The following EPHA6 variants were observed in gnomAD, a reference collection of about 807,000 sequenced individuals.
The protein encoded by EPHA6 is ephrin type-A receptor 6.
A neutral mutation model predicts 112.0 loss-of-function variants in EPHA6; 50 were observed. The observed-to-expected ratio is 0.45, with a 90% CI of 0.36 to 0.56. EPHA6 has a LOEUF of 0.56. Among genes scored for constraint, EPHA6 ranks in the 20% least tolerant of loss-of-function variants. The pLI, the probability that EPHA6 is intolerant of heterozygous loss-of-function variation, is 0.00. For synonymous variants in EPHA6, 529 were observed against 490.7 expected (o/e 1.08, Z -1.03); for missense variants, 1,280 against 1,417.4 (o/e 0.90, Z 1.56).
At chr3:96,917,437 A>G (rs2107618620) in intron 2 of EPHA6, among the ~76,000 whole-genome samples, 1 of 151,638 alleles carries the variant, frequency 6.6e-6, no homozygotes, top group South Asian at 2.1e-4. Flanking sequence ...AAAAAAAAAA[A>G]AAGAATTTTT....
chr3:97,035,836 A>G (rs1178215036), intron 3 of EPHA6, among the ~76,000 whole-genome samples: 1 of 151,934 alleles, frequency 6.6e-6, no homozygotes, highest in African/African-American at 2.4e-5. Flanking sequence ...GTATTTTATT[A>G]ATTAGGATGT....
intron 2 of EPHA6, among the ~76,000 whole-genome samples, chr3:96,941,003 C>G (rs2040910069): frequency 6.6e-6 from 1 of 152,130 alleles, no homozygotes. Flanking sequence ...TGTGGGTAAC[C>G]CGACCTTTCT....
chr3:96,882,594 CAGTG>C (rs2037378725), intron 2 of EPHA6, among the ~76,000 whole-genome samples: 3 of 152,150 alleles, frequency 2.0e-5, no homozygotes, highest in African/African-American at 7.2e-5. Context: ...TCCCATGTAT[CAGTG>C]AGAACATACG....
At chr3:97,471,959 G>C (rs1349851012) in intron 7 of EPHA6, among the ~76,000 whole-genome samples, 1 of 151,668 alleles carries the variant, frequency 6.6e-6, no homozygotes, top group East Asian at 1.9e-4. Flanking sequence ...TGCTTCTGGT[G>C]TCTTATTCTT....
rs1227943947 is a variant in EPHA6, at chr3:97,577,811, G to GT, written c.2387-14796dup. On this transcript the variant is annotated intron_variant, in intron 11 of 17. Transcript: ENST00000389672. ...TTTCCGGTTTTTTGTTTTTGTTTTT[G>GT]TTTTTCTTGGTTTTTTTTGTAGTGG... 3.3e-3 allele frequency among the ~76,000 whole-genome samples: 494 copies of GT among 151,918 alleles called. 2 individuals are homozygous for GT. The highest frequency in any genetic ancestry group is 0.011 in the African/African-American group (450 of 41,396).
intron 3 of EPHA6, among the ~76,000 whole-genome samples, chr3:97,064,068 C>T (rs1278149718): frequency 6.6e-6 from 1 of 152,168 alleles, no homozygotes; most frequent in Non-Finnish European, 1.5e-5. Context: ...ATGAGAGAAT[C>T]TTGGTTCTGG....
intron 3 of EPHA6, among the ~76,000 whole-genome samples, chr3:97,045,198 T>A (rs1205714170): frequency 2.0e-5 from 3 of 152,020 alleles, no homozygotes; most frequent in African/African-American, 7.2e-5. Flanking sequence ...TAAAATTCAG[T>A]AATGTATAGT....
intron 11 of EPHA6, among the ~76,000 whole-genome samples, chr3:97,546,178 G>T (rs2092944775): frequency 6.6e-6 from 1 of 152,174 alleles, no homozygotes. Flanking sequence ...TTTACAATTT[G>T]GCATGTTTTT....
At chr3:97,544,583 G>T (rs954311819) in intron 11 of EPHA6, among the ~76,000 whole-genome samples, 24 of 152,170 alleles carry the variant, frequency 1.6e-4, no homozygotes, top group African/African-American at 5.6e-4. Flanking sequence ...CCAGGCTTTG[G>T]TATCAGGATG....
chr3:97,398,888 A>G (rs2086834807), intron 5 of EPHA6, among the ~76,000 whole-genome samples: 1 of 151,546 alleles, frequency 6.6e-6, no homozygotes, highest in Admixed American at 6.6e-5. Flanking sequence ...GAACATGAAT[A>G]TACTGTGTAA....
At position 97,296,242 on chromosome 3, in the gene EPHA6, A is replaced by G. The variant is rs547465407; in HGVS notation, c.1606+51955A>G. The stretch of plus-strand genomic sequence containing the variant: ...GATGATGGCTCCAGTGGTAGCAGCA[A>G]ACCAGGTAGGCCTGTACTCAGGCCC... On this transcript the variant is annotated intron_variant, in intron 5 of 17. Transcript: ENST00000389672. Among the ~76,000 whole-genome samples the G allele has an allele frequency of 1.3e-3, 198 of 152,158 alleles. 1 individual carries two copies. The highest frequency in any genetic ancestry group is 4.4e-3 in the African/African-American group (183 of 41,508).
intron 2 of EPHA6, among the ~76,000 whole-genome samples, chr3:96,925,746 C>T (rs762151527): frequency 2.6e-5 from 4 of 151,940 alleles, no homozygotes; most frequent in South Asian, 2.1e-4. Context: ...GCTGGGATTA[C>T]GAGCGCCTGC....
chr3:97,172,320 A>C lies in EPHA6; in HGVS notation c.1115-53944A>C, dbSNP rs573529542. ...GAGTTTTGCACAGTTTCTGACATAC[A>C]AAGAAGTTTCTTAACATATTTGTTG... On this transcript the variant is annotated intron_variant, in intron 3 of 17. Coordinates refer to ENST00000389672, the MANE Select transcript of EPHA6 (RefSeq NM_001080448.3). Among the ~76,000 whole-genome samples the C allele has an allele frequency of 3.9e-5, 6 of 152,154 alleles. No individual in the cohort carries two copies. In the East Asian group the frequency reaches 1.2e-3, roughly 29 times the overall value.
At chr3:97,657,369 G>A (rs370317032) in intron 14 of EPHA6, among the ~76,000 whole-genome samples, 1 of 151,744 alleles carries the variant, frequency 6.6e-6, no homozygotes, top group African/African-American at 2.4e-5. Flanking sequence ...AAGAAGTCAA[G>A]GAATAAACTA....
Position 96,853,359 on chromosome 3 carries a change from C to A in EPHA6, c.386-13466C>A, listed in dbSNP as rs530928844. Among the ~76,000 whole-genome samples, 5 of 152,082 alleles carry A rather than the reference C, an allele frequency of 3.3e-5. No individual in the cohort carries two copies. The East Asian group carries it at 9.7e-4, about 29-fold the overall frequency. Reference sequence around the variant, plus strand: ...GATGGAAGTGTCTAATCAGTGGGATCCCTATATTTAACTTCAAAGATGTTA... The same window carrying A: ...GATGGAAGTGTCTAATCAGTGGGATACCTATATTTAACTTCAAAGATGTTA... On this transcript the variant is annotated intron_variant, in intron 1 of 17. Coordinates refer to ENST00000389672, the MANE Select transcript of EPHA6 (RefSeq NM_001080448.3).
chr3:97,277,424 C>G (rs886082960), intron 5 of EPHA6, among the ~76,000 whole-genome samples: 6 of 152,056 alleles, frequency 3.9e-5, no homozygotes, highest in Admixed American at 1.3e-4. Context: ...TCAGTTAAGG[C>G]AGGAACAGGC....
chr3:96,843,478 G>A (rs1369214917), intron 1 of EPHA6, among the ~76,000 whole-genome samples: 1 of 152,000 alleles, frequency 6.6e-6, no homozygotes, highest in African/African-American at 2.4e-5. Flanking sequence ...TTAAGGAAGT[G>A]ATATTTAGCT....
intron 3 of EPHA6, among the ~76,000 whole-genome samples, chr3:97,063,531 A>G (rs988855207): frequency 2.6e-5 from 4 of 152,088 alleles, no homozygotes; most frequent in Non-Finnish European, 5.9e-5. Context: ...GTGGAACAAC[A>G]CACACTTAGG....
At chr3:97,638,975 C>T (rs301936) in intron 14 of EPHA6, among the ~76,000 whole-genome samples, 97,283 of 151,936 alleles carry the variant, frequency 0.64, 36,010 homozygotes, top group Middle Eastern at 0.88. Flanking sequence ...ATTTCATGCT[C>T]TATGAGTTTT....
Sources: gnomAD v4.1 joint callset for allele counts (sites outside exome capture counted in the v4.1 genomes callset) on GRCh38, gnomAD v4.1.1 for gene constraint, MANE v1.5 for transcripts, NCBI Gene and HGNC (gene_info 2026-07-23, HGNC 2026-07-21) for gene names.